Variants in HIVEP1 observed in about 807,000 individuals in gnomAD.
HIVEP1 encodes zinc finger protein 40.
A neutral mutation model predicts 180.0 loss-of-function variants in HIVEP1; 36 were observed. The observed-to-expected ratio is 0.20, with a 90% CI of 0.15 to 0.26. The LOEUF is 0.26. HIVEP1 is among the 10% of genes least tolerant of loss of function. HIVEP1 has a pLI of 1.00. For synonymous variants in HIVEP1, 1,239 were observed against 1,239.0 expected, an observed-to-expected ratio of 1.00 and a Z score of 0.00; for missense variants, 3,143 against 3,268.7, an observed-to-expected ratio of 0.96 and a Z score of 0.94.
intron 2 of HIVEP1, among the ~76,000 whole-genome samples, chr6:12,071,250 C>T (rs972784359): frequency 6.6e-6 from 1 of 152,188 alleles, no homozygotes; most frequent in African/African-American, 2.4e-5. Flanking sequence ...GTAAATTGTG[C>T]AAGCCACTGG....
At chr6:12,176,484 G>A in the HIVEP1 span, among the ~76,000 whole-genome samples, 2 of 152,028 alleles carry the variant, frequency 1.3e-5, no homozygotes, top group Non-Finnish European at 2.9e-5. Context: ...CACCTGCCTC[G>A]GCCTCCTAAA....
At chr6:12,055,248 A>G (rs1416397697) in intron 2 of HIVEP1, among the ~76,000 whole-genome samples, 2 of 152,284 alleles carry the variant, frequency 1.3e-5, no homozygotes, top group South Asian at 2.1e-4. Context: ...GCCAAGGCGG[A>G]CGAATCACGA....
the HIVEP1 span, among the ~76,000 whole-genome samples, chr6:12,170,375 G>A: frequency 6.6e-6 from 1 of 152,124 alleles, no homozygotes; most frequent in Non-Finnish European, 1.5e-5. Context: ...AGAGACAGTG[G>A]ATGAGACAGA....
At chr6:12,154,031 C>T (rs1201384889) in intron 7 of HIVEP1, among the ~76,000 whole-genome samples, 4 of 152,200 alleles carry the variant, frequency 2.6e-5, no homozygotes, top group African/African-American at 9.7e-5. Flanking sequence ...GCCTGTGATC[C>T]CAGCTACTCA....
chr6:12,194,756 C>T, the HIVEP1 span, among the ~76,000 whole-genome samples: 3 of 152,064 alleles, frequency 2.0e-5, no homozygotes, highest in South Asian at 6.2e-4. Context: ...GAGCAGAGAT[C>T]GCGCCACTGC....
At chr6:12,048,726 A>G (rs1236179227) in intron 2 of HIVEP1, among the ~76,000 whole-genome samples, 1 of 152,228 alleles carries the variant, frequency 6.6e-6, no homozygotes, top group Non-Finnish European at 1.5e-5. Context: ...CATCAAAATT[A>G]TTCAATCTTT....
chr6:12,104,425 C>CTTTTTTTTT lies in HIVEP1; in HGVS notation c.94+15204_94+15212dup, dbSNP rs70981665. ...CTCTCTCTCTCTCTCCTTTTCTTTC[C>CTTTTTTTTT]TTTTTTTTTTTTTTTTTTTTTTTTC... On this transcript the variant is annotated intron_variant, in intron 3 of 8. Transcript: ENST00000379388. 1.5e-3 allele frequency among the ~76,000 whole-genome samples: 107 copies of CTTTTTTTTT among 72,782 alleles called. 2 individuals are homozygous for CTTTTTTTTT. The highest frequency in any genetic ancestry group is 2.1e-3 in the Non-Finnish European group (84 of 40,680). The allele number at this position is 72,782 out of a possible 152,430, so 47.7% of individuals were successfully genotyped here. A position where few individuals can be genotyped will look rare whatever the true frequency, so the allele number is the denominator to read the frequency against.
intron 2 of HIVEP1, among the ~76,000 whole-genome samples, chr6:12,065,290 A>G (rs1417376853): frequency 6.6e-6 from 1 of 152,198 alleles, no homozygotes; most frequent in Non-Finnish European, 1.5e-5. Flanking sequence ...ATGGCGTTTG[A>G]TATTAGAGGG....
chr6:12,169,791 G>A (rs1259316813), downstream of HIVEP1, among the ~76,000 whole-genome samples: 2 of 152,144 alleles, frequency 1.3e-5, no homozygotes, highest in Non-Finnish European at 2.9e-5. Context: ...AGTCTAAGTG[G>A]AAGAGAGGAT....
chr6:12,017,224 T>G (rs568959568), intron 2 of HIVEP1, among the ~76,000 whole-genome samples: 2 of 152,198 alleles, frequency 1.3e-5, no homozygotes, highest in African/African-American at 4.8e-5. Context: ...TGTTTGTTAC[T>G]GTGTCTGGAA....
At chr6:12,170,888 G>A in the HIVEP1 span, among the ~76,000 whole-genome samples, 6 of 152,076 alleles carry the variant, frequency 3.9e-5, no homozygotes, top group Non-Finnish European at 8.8e-5. Context: ...TGCAGAGGAG[G>A]GTGGAAGCAA....
chr6:12,161,375 T>G, intron 7 of HIVEP1, 64 bp from the exon 8 acceptor site: 1 of 1,500,618 alleles, frequency 6.7e-7, no homozygotes, highest in South Asian at 1.3e-5. Context: ...ATAAAAAATT[T>G]TTAAAATAGC....
At chr6:12,191,243 T>C in the HIVEP1 span, among the ~76,000 whole-genome samples, 1 of 152,226 alleles carries the variant, frequency 6.6e-6, no homozygotes, top group Non-Finnish European at 1.5e-5. Flanking sequence ...GGAGCACTGT[T>C]ACTTTGTCTA....
chr6:12,211,493 AC>A, the HIVEP1 span, among the ~76,000 whole-genome samples: 1 of 137,942 alleles, frequency 7.2e-6, no homozygotes, highest in African/African-American at 3.1e-5. Flanking sequence ...ATATACACAC[AC>A]ACACACCCAC....
At chr6:12,181,781 G>C in the HIVEP1 span, among the ~76,000 whole-genome samples, 1 of 152,186 alleles carries the variant, frequency 6.6e-6, no homozygotes. Context: ...GCAAAGGTGA[G>C]AGCTTGTATT....
At chr6:12,208,336 G>A in the HIVEP1 span, among the ~76,000 whole-genome samples, 1 of 152,132 alleles carries the variant, frequency 6.6e-6, no homozygotes, top group African/African-American at 2.4e-5. Context: ...GGGAACCCTT[G>A]CAACCTTGAT....
At chr6:12,035,923 A>C (rs77520879) in intron 2 of HIVEP1, among the ~76,000 whole-genome samples, 2,672 of 152,340 alleles carry the variant, frequency 0.018, 75 homozygotes, top group African/African-American at 0.062. Context: ...TCTAATACGT[A>C]AGAAAAGGTA....
chr6:12,163,847 C>G lies in HIVEP1; in HGVS notation c.7543C>G (p.Leu2515Val). The G allele has an allele frequency of 6.2e-7, 1 of 1,614,218 alleles. No individual in the cohort carries two copies. The highest frequency in any genetic ancestry group is 8.5e-7 in the Non-Finnish European group (1 of 1,180,036). The change falls in exon 9 of 9, where the codon CTG (leucine) becomes GTG (valine). Residue 2515 changes from leucine to valine, a missense_variant. Coordinates refer to ENST00000379388, the MANE Select transcript of HIVEP1 (RefSeq NM_002114.4). ...NMAPQVHPPG[L>V]ALNAVGLQVL... is the part of the protein sequence containing the mutation. ...GGCCCCACAAGTCCATCCACCAGGA[C>G]TGGCTCTGAATGCTGTCGGACTGCA...
the HIVEP1 span, among the ~76,000 whole-genome samples, chr6:12,200,407 T>C: frequency 6.6e-6 from 1 of 152,256 alleles, no homozygotes; most frequent in African/African-American, 2.4e-5. Flanking sequence ...GGCGCAGTTA[T>C]GGAGCTGTAA....
Sources: allele counts gnomAD v4.1 joint callset (sites outside exome capture counted in the v4.1 genomes callset), GRCh38; gene constraint gnomAD v4.1.1; transcripts MANE v1.5; gene names NCBI Gene and HGNC (gene_info 2026-07-23, HGNC 2026-07-21).